The following NUP153 variants were observed in gnomAD, a reference collection of about 807,000 sequenced individuals.
The protein encoded by NUP153 is nuclear pore complex protein Nup153.
NUP153 carries 27 observed loss-of-function variants against 134.6 expected under a neutral mutation model. The ratio of observed to expected loss-of-function variants is 0.20; its 90% confidence interval spans 0.15 to 0.28. The LOEUF (loss-of-function observed/expected upper bound fraction) is 0.28, where lower values mean the gene tolerates loss of function less well. Ranked by LOEUF, NUP153 falls within the 10% of genes least tolerant of loss-of-function variation. NUP153 has a pLI of 1.00. For synonymous variants in NUP153, 640 were observed against 623.5 expected, an observed-to-expected ratio of 1.03 and a Z score of -0.40; for missense variants, 1,821 against 1,731.3, an observed-to-expected ratio of 1.05 and a Z score of -0.92.
chr6:17,648,841 C>T (rs920077625), intron 12 of NUP153, among the ~76,000 whole-genome samples: 1 of 151,710 alleles, frequency 6.6e-6, no homozygotes, highest in African/African-American at 2.4e-5. Flanking sequence ...AAAGATGTTA[C>T]GCCTAGCTGA....
chr6:17,705,593 GGGA>G (rs1248790213), intron 1 of NUP153, among the ~76,000 whole-genome samples: 1 of 141,482 alleles, frequency 7.1e-6, no homozygotes, highest in African/African-American at 2.7e-5. Context: ...GTTGGGGGGG[GGGA>G]GGGGAGTCGC....
At chr6:17,689,539 C>CT (rs200562896) in intron 1 of NUP153, among the ~76,000 whole-genome samples, 8,288 of 143,676 alleles carry the variant, frequency 0.058, 608 homozygotes, top group East Asian at 0.29. Flanking sequence ...ACGGTAACTT[C>CT]TTTTTTTTTT....
intron 18 of NUP153, among the ~76,000 whole-genome samples, chr6:17,627,113 T>C (rs1225778716): frequency 6.6e-6 from 1 of 152,202 alleles, no homozygotes; most frequent in African/African-American, 2.4e-5. Flanking sequence ...TATCCAGGGC[T>C]GGTCACAGTA....
At chr6:17,667,105 C>T (rs1014750074) in intron 8 of NUP153, among the ~76,000 whole-genome samples, 40 of 152,124 alleles carry the variant, frequency 2.6e-4, no homozygotes, top group African/African-American at 8.4e-4. Flanking sequence ...TACATTATGA[C>T]ATAATTTTAA....
rs1344390899 is a variant in NUP153, at chr6:17,625,545, CA to C, written c.3901+262del. ...ACTCCGTCTCGAAAGAAAACAAAAA[CA>C]AAAAACAAAGCTTAGAAAAATTAAG... On this transcript the variant is annotated intron_variant, in intron 19 of 21. Coordinates refer to ENST00000262077, the MANE Select transcript of NUP153 (RefSeq NM_005124.4). The surrounding 1 kb of genome is among the most constrained non-coding windows in gnomAD (Gnocchi z 4.7). Among the ~76,000 whole-genome samples the C allele has an allele frequency of 2.6e-5, 4 of 151,884 alleles. No homozygotes were observed. The highest frequency in any genetic ancestry group is 5.9e-5 in the Non-Finnish European group (4 of 67,928).
intron 1 of NUP153, among the ~76,000 whole-genome samples, chr6:17,700,596 T>C (rs922620194): frequency 1.3e-5 from 2 of 152,154 alleles, no homozygotes; most frequent in Non-Finnish European, 2.9e-5. Flanking sequence ...TATCCCTCCT[T>C]TTCAAATCTG....
At chr6:17,692,361 C>T (rs1236119129) in intron 1 of NUP153, among the ~76,000 whole-genome samples, 1 of 152,022 alleles carries the variant, frequency 6.6e-6, no homozygotes, top group Non-Finnish European at 1.5e-5. Context: ...GGAATGCAGG[C>T]TATATTAGCT....
intron 2 of NUP153, among the ~76,000 whole-genome samples, chr6:17,681,211 T>TAA (rs57471679): frequency 6.8e-6 from 1 of 146,324 alleles, no homozygotes; most frequent in Non-Finnish European, 1.5e-5. Context: ...GTGACAGCTT[T>TAA]AAAAAAAAAA....
chr6:17,705,624 T>TA (rs1770432907), intron 1 of NUP153, among the ~76,000 whole-genome samples: 1 of 148,868 alleles, frequency 6.7e-6, no homozygotes, highest in Admixed American at 6.7e-5. Context: ...AGAAAAGACG[T>TA]AAGGGTGGAG....
At chr6:17,673,466 ACT>A (rs1467654356) in intron 5 of NUP153, among the ~76,000 whole-genome samples, 3 of 152,182 alleles carry the variant, frequency 2.0e-5, no homozygotes, top group African/African-American at 7.2e-5. Context: ...TGAAAAATGA[ACT>A]CTCTCAAAAT....
chr6:17,625,384 G>A lies in NUP153; in HGVS notation c.3901+424C>T, dbSNP rs1302205054. On this transcript the variant is annotated intron_variant, in intron 19 of 21. Coordinates refer to ENST00000262077, the MANE Select transcript of NUP153 (RefSeq NM_005124.4). This position sits in a 1 kb window ranked among gnomAD's most constrained non-coding sequence, Gnocchi z 4.7. ...ATCTCTACTAAAAATACAAAAATTAGGTGGGTGTGGTGGCGGGCACCTGTA... is the reference window on the plus strand; with the variant it reads ...ATCTCTACTAAAAATACAAAAATTAAGTGGGTGTGGTGGCGGGCACCTGTA... 6.6e-6 allele frequency among the ~76,000 whole-genome samples: 1 copy of A among 152,060 alleles called. No individual in the cohort carries two copies. The highest frequency in any genetic ancestry group is 1.5e-5 in the Non-Finnish European group (1 of 68,020).
Position 17,681,737 on chromosome 6 carries a change from G to A in NUP153, c.335-5967C>T, listed in dbSNP as rs77018004. Among the ~76,000 whole-genome samples, 605 of 152,144 alleles carry A rather than the reference G, an allele frequency of 4.0e-3. 19 individuals are homozygous for A. The East Asian group carries it at 0.077, about 19-fold the overall frequency. On this transcript the variant is annotated intron_variant, in intron 2 of 21. Transcript: ENST00000262077. Reference sequence around the variant, plus strand: ...CACATAGGTTGAAATGTTTCCCAGGGTATCAAGTATTCCAATATTACTGTA... The same window carrying A: ...CACATAGGTTGAAATGTTTCCCAGGATATCAAGTATTCCAATATTACTGTA...
At chr6:17,621,564 C>T (rs1370262521) in intron 20 of NUP153, among the ~76,000 whole-genome samples, 2 of 152,142 alleles carry the variant, frequency 1.3e-5, no homozygotes, top group African/African-American at 4.8e-5. Flanking sequence ...ATCTATGGCA[C>T]TGAAGGACAT....
intron 2 of NUP153, among the ~76,000 whole-genome samples, chr6:17,684,093 G>C (rs967609049): frequency 2.5e-4 from 38 of 152,112 alleles, no homozygotes; most frequent in Non-Finnish European, 2.9e-5. Context: ...TCTGCCTTCT[G>C]CCATGAGTAA....
At chr6:17,668,566 A>G (rs1453673247) in intron 8 of NUP153, among the ~76,000 whole-genome samples, 2 of 152,070 alleles carry the variant, frequency 1.3e-5, no homozygotes, top group Non-Finnish European at 2.9e-5. Flanking sequence ...TTTCAGGGTC[A>G]GGCACAGTGG....
At chr6:17,694,084 T>C (rs1769468291) in intron 1 of NUP153, among the ~76,000 whole-genome samples, 4 of 152,254 alleles carry the variant, frequency 2.6e-5, no homozygotes, top group South Asian at 2.1e-4. Context: ...TGAATCACCA[T>C]ATTATATGTT....
At chr6:17,674,088 T>C (rs1490070155) in intron 5 of NUP153, among the ~76,000 whole-genome samples, 1 of 152,134 alleles carries the variant, frequency 6.6e-6, no homozygotes, top group African/African-American at 2.4e-5. Flanking sequence ...AGGTTACATA[T>C]GACTAAACGT....
At chr6:17,669,988 G>C (rs576290088) in intron 5 of NUP153, among the ~76,000 whole-genome samples, 1 of 150,912 alleles carries the variant, frequency 6.6e-6, no homozygotes, top group Non-Finnish European at 1.5e-5. Flanking sequence ...CCAGCTACTC[G>C]AGAGGCTGAG....
rs9477499 is a variant in NUP153, at chr6:17,651,694, A to C, written c.1396-2394T>G. ...ATTTCAAGACAAAAAATATTTCCAA[A>C]AGTTTTTTTTAAAAGGACACTTAAT... is the stretch of plus-strand genomic sequence containing the variant. On this transcript the variant is annotated intron_variant, in intron 11 of 21. Transcript: ENST00000262077. 6.9e-3 allele frequency: 2,677 copies of C among 386,552 alleles called. 71 individuals carry two copies. The highest frequency in any genetic ancestry group is 0.05 in the African/African-American group (2,449 of 48,624). The allele number at this position is 386,552 out of a possible 1,614,324, so 23.9% of individuals were successfully genotyped here.
Sources: gnomAD v4.1 joint callset for allele counts (sites outside exome capture counted in the v4.1 genomes callset) on GRCh38, gnomAD v4.1.1 for gene constraint, Gnocchi (gnomAD v3.1) non-coding constraint, MANE v1.5 for transcripts, NCBI Gene and HGNC (gene_info 2026-07-23, HGNC 2026-07-21) for gene names.